The following KANSL2 variants were observed in gnomAD, a reference collection of about 807,000 sequenced individuals.
The protein encoded by KANSL2 is KAT8 regulatory NSL complex subunit 2.
In KANSL2, 34 loss-of-function variants were observed where a neutral mutation model predicts 55.6. The observed-to-expected ratio is 0.61, with a 90% CI of 0.46 to 0.81. The LOEUF is 0.81. KANSL2 is among the 40% of genes least tolerant of loss of function. KANSL2 has a pLI of 0.00. For missense variants in KANSL2, 502 were observed against 609.9 expected (o/e 0.82, Z 1.86); for synonymous variants, 209 against 214.3 (o/e 0.98, Z 0.22).
At chr12:48,668,965 G>C in intron 6 of KANSL2, 141 bp downstream of exon 6, 1 of 546,084 alleles carries the variant, frequency 1.8e-6, no homozygotes, top group Non-Finnish European at 2.9e-6. Context: ...GAAACTGGGA[G>C]GCAGAGGTTG....
intron 8 of KANSL2, among the ~76,000 whole-genome samples, chr12:48,657,994 G>C (rs1592097177): frequency 1.3e-5 from 2 of 152,228 alleles, no homozygotes; most frequent in Middle Eastern, 6.8e-3. Context: ...ACTTTGGGAG[G>C]CCAAGGTGGG....
intron 5 of KANSL2, 48 bp from the exon 6 acceptor site, chr12:48,669,320 G>C: frequency 7.0e-7 from 1 of 1,424,020 alleles, no homozygotes; most frequent in Non-Finnish European, 9.4e-7. Flanking sequence ...ATCCATCAAG[G>C]TTACGTCTCC....
At chr12:48,654,275 C>T in intron 9 of KANSL2, 100 bp from the exon 10 acceptor site, 1 of 1,188,020 alleles carries the variant, frequency 8.4e-7, no homozygotes, top group Non-Finnish European at 1.2e-6. Context: ...GCAATAAGAA[C>T]AATACAACAG....
chr12:48,681,833 T>C (rs1183124315), intron 1 of KANSL2, 192 bp from the exon 2 acceptor site: 6 of 723,832 alleles, frequency 8.3e-6, no homozygotes, highest in Admixed American at 4.0e-5. Context: ...TGTCCCTCCA[T>C]GCCCGGCCCC....
Position 48,682,201 on chromosome 12 carries a change from T to TGCGCCGCACTCTGCC in KANSL2, c.-39_-25dup, listed in dbSNP as rs1565611425. ...CGCCATCTTACCTCAGGAGCTGCGC[T>TGCGCCGCACTCTGCC]GCGCCGCACTCTGCCGCGCCGCTCG... On this transcript the variant is annotated 5_prime_UTR_variant, in exon 1 of 10. Coordinates refer to ENST00000420613, the MANE Select transcript of KANSL2 (RefSeq NM_017822.4). 1.5e-6 allele frequency: 1 copy of TGCGCCGCACTCTGCC among 669,712 alleles called. No homozygotes were observed. The highest frequency in any genetic ancestry group is 2.7e-6 in the Non-Finnish European group (1 of 367,986). 41.5% of individuals were successfully genotyped at this position (669,712 alleles called of 1,614,324 possible).
chr12:48,673,632 G>A (rs1389657534), intron 4 of KANSL2, among the ~76,000 whole-genome samples: 1 of 151,646 alleles, frequency 6.6e-6, no homozygotes, highest in African/African-American at 2.4e-5. Context: ...ACTGTTCTCT[G>A]GCTCTGATTT....
chr12:48,681,513 C>T lies in KANSL2; in HGVS notation c.120G>A (p.Leu40=). Reference sequence around the variant, plus strand: ...GCTTAATGCAAAACTCCTGCCCCTCCAGACGAGGGTGAGAGCATGGACGAT... The same window carrying T: ...GCTTAATGCAAAACTCCTGCCCCTCTAGACGAGGGTGAGAGCATGGACGAT... ...FTHRPCSHPR[L]EGQEFCIKHI... is the part of the protein sequence containing the mutation. Residue 40 remains leucine, a synonymous_variant, in exon 2 of 10, where the codon CTG becomes CTA. Transcript: ENST00000420613. 6.2e-7 allele frequency: 1 copy of T among 1,613,976 alleles called. No individual in the cohort carries two copies. Among genetic ancestry groups the T allele is most frequent in the Non-Finnish European group, 8.5e-7 (1 of 1,179,898 alleles).
In KANSL2 at chr12:48,681,501, C is replaced by T. The variant is rs769877527; in HGVS notation, c.132G>A (p.Glu44=). 3 of 1,613,854 alleles carry T rather than the reference C, an allele frequency of 1.9e-6. No homozygotes were observed. The African/African-American group carries it at 4.0e-5, about 22-fold the overall frequency. ...PCSHPRLEGQ[E]FCIKHILEDK... ...CTTCAAGGATATGCTTAATGCAAAA[C>T]TCCTGCCCCTCCAGACGAGGGTGAG... Residue 44 remains glutamate, a synonymous_variant, in exon 2 of 10, where the codon GAG becomes GAA. Transcript: ENST00000420613.
intron 2 of KANSL2, among the ~76,000 whole-genome samples, chr12:48,680,971 CG>C (rs1179202569): frequency 1.4e-4 from 20 of 147,924 alleles, no homozygotes; most frequent in South Asian, 6.3e-4. Context: ...ATCTGTGCGC[CG>C]CCCCCCCGCC....
Position 48,665,690 on chromosome 12 carries a change from A to AT in KANSL2, c.973+2002dup, listed in dbSNP as rs1939584747. Among the ~76,000 whole-genome samples, 4 of 152,392 alleles carry AT rather than the reference A, an allele frequency of 2.6e-5. No homozygotes were observed. In the South Asian group the frequency reaches 8.3e-4, roughly 32 times the overall value. On this transcript the variant is annotated intron_variant, in intron 7 of 9. Transcript: ENST00000420613. ...TACTGCGAAATTTTTCTCAATGCCT[A>AT]TAATAAATAAGCACTTTCACAATTC...
chr12:48,657,431 AAAT>A (rs1406576318), intron 8 of KANSL2, among the ~76,000 whole-genome samples: 1 of 152,152 alleles, frequency 6.6e-6, no homozygotes, highest in Non-Finnish European at 1.5e-5. Flanking sequence ...TCTCAAAAAA[AAAT>A]AATAAAATAA....
chr12:48,671,829 G>T lies in KANSL2; in HGVS notation c.679C>A (p.His227Asn), dbSNP rs941898113. The change falls in exon 5 of 10, where the codon CAT becomes AAT. Residue 227 changes from histidine (H) to asparagine (N), a missense_variant. Transcript: ENST00000420613. Reference protein sequence around the residue: ...LLKEKKRRYLHNRKVEHEALG... With the variant: ...LLKEKKRRYLNNRKVEHEALG... ...GCTTCATGTTCCACTTTGCGATTAT[G>T]TAAGTATCGGCGCTTCTTCTCCTTG... 3 of 1,612,426 alleles carry T rather than the reference G, an allele frequency of 1.9e-6. No homozygotes were observed. The highest frequency in any genetic ancestry group is 2.7e-5 in the African/African-American group (2 of 74,874).
intron 7 of KANSL2, among the ~76,000 whole-genome samples, chr12:48,664,255 C>G (rs1228031299): frequency 6.7e-6 from 1 of 148,680 alleles, no homozygotes; most frequent in Non-Finnish European, 1.5e-5. Context: ...TGCCCATAGC[C>G]TCTGCCCAAT....
chr12:48,677,560 T>A (rs1014242059), intron 4 of KANSL2, among the ~76,000 whole-genome samples: 4 of 151,902 alleles, frequency 2.6e-5, no homozygotes, highest in Non-Finnish European at 4.4e-5. Context: ...GGCAGGTGAA[T>A]CACGAGGTCA....
At chr12:48,680,585 T>C (rs1036360649) in intron 2 of KANSL2, among the ~76,000 whole-genome samples, 2 of 152,222 alleles carry the variant, frequency 1.3e-5, no homozygotes, top group Admixed American at 6.5e-5. Flanking sequence ...ATGAAAACTA[T>C]GAAGCCTCTT....
intron 4 of KANSL2, among the ~76,000 whole-genome samples, chr12:48,673,731 T>A (rs1300101272): frequency 6.6e-6 from 1 of 152,076 alleles, no homozygotes; most frequent in Non-Finnish European, 1.5e-5. Context: ...GCAGATTGCT[T>A]GAGCCTGGGA....
chr12:48,677,726 A>G (rs1939848836), intron 4 of KANSL2, among the ~76,000 whole-genome samples: 1 of 135,312 alleles, frequency 7.4e-6, no homozygotes, highest in Non-Finnish European at 1.5e-5. Flanking sequence ...CGGAGGTTGC[A>G]GTGAACTGAG....
chr12:48,659,678 C>T (rs930073236), intron 8 of KANSL2, among the ~76,000 whole-genome samples: 1 of 151,904 alleles, frequency 6.6e-6, no homozygotes, highest in Non-Finnish European at 1.5e-5. Flanking sequence ...GCTCATGCCA[C>T]CGACAGAAAC....
At chr12:48,654,584 G>A (rs774797692) in intron 9 of KANSL2, 35 of 579,688 alleles carry the variant, frequency 6.0e-5, no homozygotes, top group Admixed American at 9.9e-5. Flanking sequence ...CTTCTACAAT[G>A]AGAACAATTT....
Sources: gnomAD v4.1 joint callset for allele counts (sites outside exome capture counted in the v4.1 genomes callset) on GRCh38, gnomAD v4.1.1 for gene constraint, MANE v1.5 for transcripts, NCBI Gene and HGNC (gene_info 2026-07-23, HGNC 2026-07-21) for gene names.